The following ANAPC1 variants were observed in gnomAD, a reference collection of about 807,000 sequenced individuals.
ANAPC1 encodes the protein anaphase-promoting complex subunit 1.
Under a neutral mutation model 208.0 loss-of-function variants are expected in ANAPC1, and 36 were observed. That is an observed-to-expected ratio of 0.17 (90% CI 0.13 to 0.23). ANAPC1 has a LOEUF of 0.23. Among genes scored for constraint, ANAPC1 ranks in the 10% least tolerant of loss-of-function variants. The probability of loss-of-function intolerance (pLI) is 1.00; values close to 1 mark genes in which losing one functional copy is unlikely to be tolerated. For missense variants in ANAPC1, 942 were observed against 2,011.6 expected (o/e 0.47, Z 10.17); for synonymous variants, 378 against 695.2 (o/e 0.54, Z 7.18).
chr2:111,847,421 T>C (rs917918566), intron 15 of ANAPC1, among the ~76,000 whole-genome samples: 30 of 152,242 alleles, frequency 2.0e-4, no homozygotes, highest in African/African-American at 7.2e-4. Flanking sequence ...CTAATCTTTA[T>C]ACAGTGAGTC....
chr2:111,873,485 A>G lies in ANAPC1; in HGVS notation c.428-77T>C. The stretch of plus-strand genomic sequence containing the variant: ...TCAATCCTAACAGCACAAATTATTT[A>G]ATGCACAATATAAAGATGCTTATGG... On this transcript the variant is annotated intron_variant, in intron 4 of 47. Coordinates refer to ENST00000341068, the MANE Select transcript of ANAPC1 (RefSeq NM_022662.4). 2.6e-6 allele frequency: 4 copies of G among 1,533,898 alleles called. No homozygotes were observed. The South Asian group carries it at 3.8e-5, about 14-fold the overall frequency.
chr2:111,863,511 C>CAA (rs372062409), intron 9 of ANAPC1, among the ~76,000 whole-genome samples, 164 bp downstream of exon 9: 8 of 122,562 alleles, frequency 6.5e-5, no homozygotes, highest in Non-Finnish European at 1.2e-4. Flanking sequence ...GACTCCGTCT[C>CAA]AAAAAAAAAA....
At chr2:111,789,005 G>A (rs1677725891) in intron 38 of ANAPC1, among the ~76,000 whole-genome samples, 4 of 152,268 alleles carry the variant, frequency 2.6e-5, no homozygotes, top group Admixed American at 2.6e-4. Flanking sequence ...GGGCGCCGTG[G>A]CGGGCGCCTA....
intron 18 of ANAPC1, among the ~76,000 whole-genome samples, chr2:111,835,488 A>T (rs1204601496): frequency 6.6e-6 from 1 of 152,246 alleles, no homozygotes; most frequent in Non-Finnish European, 1.5e-5. Flanking sequence ...GGCTTAATAC[A>T]GTGTGTTACT....
chr2:111,864,197 A>G (rs1682257614), intron 8 of ANAPC1, among the ~76,000 whole-genome samples: 1 of 151,898 alleles, frequency 6.6e-6, no homozygotes, highest in African/African-American at 2.4e-5. Flanking sequence ...GTGGTGGTAC[A>G]CATTTGTAGT....
At chr2:111,845,002 T>C (rs1414155865) in intron 16 of ANAPC1, among the ~76,000 whole-genome samples, 2 of 152,204 alleles carry the variant, frequency 1.3e-5, no homozygotes, top group African/African-American at 4.8e-5. Context: ...CATGCCAGCA[T>C]GCCTGGCTAA....
At chr2:111,870,252 T>C (rs1237337757) in intron 6 of ANAPC1, among the ~76,000 whole-genome samples, 3 of 152,248 alleles carry the variant, frequency 2.0e-5, no homozygotes, top group Non-Finnish European at 2.9e-5. Context: ...GACTGCTAGA[T>C]TGAATGGTAG....
chr2:111,785,949 C>A (rs1200829902), intron 39 of ANAPC1, among the ~76,000 whole-genome samples: 2 of 152,088 alleles, frequency 1.3e-5, no homozygotes, highest in African/African-American at 4.8e-5. Flanking sequence ...CTTGCACATA[C>A]ATATACACAC....
chr2:111,794,402 C>T (rs1183944135), intron 35 of ANAPC1, 79 bp from the exon 36 acceptor site: 2 of 842,722 alleles, frequency 2.4e-6, no homozygotes, highest in African/African-American at 3.5e-5. Context: ...ATAAATATTC[C>T]AGTTCTCTAA....
chr2:111,882,484 C>T (rs778058309), intron 1 of ANAPC1, among the ~76,000 whole-genome samples: 24 of 151,870 alleles, frequency 1.6e-4, no homozygotes, highest in Non-Finnish European at 5.9e-5. Context: ...AATCCCAGCA[C>T]TTTGGGAGGC....
At chr2:111,877,069 T>C (rs1410609210) in intron 3 of ANAPC1, among the ~76,000 whole-genome samples, 3 of 151,012 alleles carry the variant, frequency 2.0e-5, no homozygotes, top group African/African-American at 4.9e-5. Context: ...TAAAAATAAA[T>C]TGCACACACA....
intron 34 of ANAPC1, among the ~76,000 whole-genome samples, chr2:111,796,939 AAG>A (rs1159472927): frequency 4.8e-5 from 7 of 146,368 alleles, no homozygotes; most frequent in East Asian, 2.0e-4. Context: ...TGAAGTAAAA[AAG>A]AGAGAGATGT....
At position 111,816,996 on chromosome 2, in the gene ANAPC1, T is replaced by C. The variant is rs376849585; in HGVS notation, c.3326-1355A>G. Among the ~76,000 whole-genome samples, 6 of 90,840 alleles carry C rather than the reference T, an allele frequency of 6.6e-5. No homozygotes were observed. The East Asian group carries it at 8.0e-4, about 12-fold the overall frequency. 59.6% of individuals were successfully genotyped at this position (90,840 alleles called of 152,430 possible). On this transcript the variant is annotated intron_variant, in intron 27 of 47. Transcript: ENST00000341068. Reference sequence around the variant, plus strand: ...CTTTCTGAAACATTCATTCATCATATGCAAGAGACATAATATTTATACACG... The same window carrying C: ...CTTTCTGAAACATTCATTCATCATACGCAAGAGACATAATATTTATACACG...
At chr2:111,854,002 T>C (rs977098497) in intron 13 of ANAPC1, among the ~76,000 whole-genome samples, 4 of 152,126 alleles carry the variant, frequency 2.6e-5, no homozygotes, top group Non-Finnish European at 5.9e-5. Flanking sequence ...AGGTGTGAGC[T>C]GCCACGCCCA....
At chr2:111,787,802 C>A (rs1160157262) in intron 39 of ANAPC1, among the ~76,000 whole-genome samples, 1 of 140,434 alleles carries the variant, frequency 7.1e-6, no homozygotes, top group Admixed American at 7.1e-5. Context: ...CATTTATACA[C>A]AATTTATCGG....
At chr2:111,823,597 T>C (rs1344425026) in intron 24 of ANAPC1, among the ~76,000 whole-genome samples, 1 of 152,140 alleles carries the variant, frequency 6.6e-6, no homozygotes, top group Non-Finnish European at 1.5e-5. Flanking sequence ...GTAATCTCTA[T>C]ATCAGAGAAA....
At chr2:111,869,579 A>G (rs1476774692) in intron 6 of ANAPC1, among the ~76,000 whole-genome samples, 6 of 152,148 alleles carry the variant, frequency 3.9e-5, no homozygotes, top group Non-Finnish European at 8.8e-5. Context: ...TTGCATATTC[A>G]ATTTTACCAC....
intron 7 of ANAPC1, 76 bp downstream of exon 7, chr2:111,867,947 T>G: frequency 1.1e-6 from 1 of 887,256 alleles, no homozygotes; most frequent in Middle Eastern, 2.3e-4. Context: ...AGTTTTCATA[T>G]AAGCGCCTTT....
chr2:111,841,247 A>G (rs918799502), intron 17 of ANAPC1, among the ~76,000 whole-genome samples: 60 of 152,050 alleles, frequency 3.9e-4, no homozygotes, highest in African/African-American at 1.3e-3. Flanking sequence ...GGAGAGAGAG[A>G]GTAGTAAACA....
Sources: gnomAD v4.1 joint callset for allele counts (sites outside exome capture counted in the v4.1 genomes callset) on GRCh38, gnomAD v4.1.1 for gene constraint, MANE v1.5 for transcripts, NCBI Gene and HGNC (gene_info 2026-07-23, HGNC 2026-07-21) for gene names.